Variants in SSBP4 observed in about 807,000 individuals in gnomAD.
The protein encoded by SSBP4 is single-stranded DNA-binding protein 4.
In SSBP4, 33 loss-of-function variants were observed where a neutral mutation model predicts 64.6. That is an observed-to-expected ratio of 0.51 (90% confidence interval 0.39 to 0.68). The LOEUF is 0.68. Ranked by LOEUF, SSBP4 falls within the 30% of genes least tolerant of loss-of-function variation. The pLI is 0.00. For missense variants in SSBP4, 583 were observed against 566.8 expected (o/e 1.03, Z -0.29); for synonymous variants, 243 against 224.0 (o/e 1.08, Z -0.76).
intron 1 of SSBP4, among the ~76,000 whole-genome samples, chr19:18,421,544 C>T (rs1016882530): frequency 5.9e-5 from 9 of 152,190 alleles, no homozygotes; most frequent in Admixed American, 2.0e-4. Flanking sequence ...ATGGCAGGGT[C>T]GGTGGCCCTG....
chr19:18,432,459 C>A, intron 10 of SSBP4, 100 bp from the exon 11 acceptor site: 2 of 1,477,412 alleles, frequency 1.4e-6, no homozygotes, highest in South Asian at 2.6e-5. Flanking sequence ...GCTCTGTGGT[C>A]GGTCTGGGGA....
the SSBP4 span, among the ~76,000 whole-genome samples, chr19:18,404,231 A>G: frequency 6.6e-6 from 1 of 151,790 alleles, no homozygotes; most frequent in South Asian, 2.1e-4. Context: ...AGAGACCCTC[A>G]GAGACCCTCA....
upstream of SSBP4, among the ~76,000 whole-genome samples, chr19:18,415,193 G>A (rs1327145714): frequency 6.6e-6 from 1 of 152,144 alleles, no homozygotes; most frequent in Non-Finnish European, 1.5e-5. Context: ...GAGAGGAAAC[G>A]GTCTCCTAGC....
chr19:18,418,401 C>T (rs1028617773), upstream of SSBP4, among the ~76,000 whole-genome samples: 3 of 152,328 alleles, frequency 2.0e-5, no homozygotes, highest in African/African-American at 7.2e-5. This position sits in a 1 kb window ranked among gnomAD's most constrained non-coding sequence, Gnocchi z 6.7. Context: ...TCAGTATCCG[C>T]CCCCACCCTC....
chr19:18,402,968 C>A, the SSBP4 span, among the ~76,000 whole-genome samples: 1 of 152,194 alleles, frequency 6.6e-6, no homozygotes, highest in Non-Finnish European at 1.5e-5. Flanking sequence ...TGTCTCCTGC[C>A]TGCCCCTGGG....
chr19:18,413,423 A>G, the SSBP4 span, among the ~76,000 whole-genome samples: 5 of 152,156 alleles, frequency 3.3e-5, no homozygotes, highest in Non-Finnish European at 7.4e-5. Flanking sequence ...CATGTTGGCC[A>G]GGATGGTCTC....
At chr19:18,420,487 C>A (rs937718595) in intron 1 of SSBP4, among the ~76,000 whole-genome samples, 3 of 152,024 alleles carry the variant, frequency 2.0e-5, no homozygotes, top group Non-Finnish European at 4.4e-5. Context: ...GTGTGCTCTC[C>A]GGGTGGAAAG....
upstream of SSBP4, among the ~76,000 whole-genome samples, chr19:18,416,476 G>A (rs1972131829): frequency 6.6e-6 from 1 of 152,064 alleles, no homozygotes; most frequent in Admixed American, 6.6e-5. Context: ...ACCACGTGCG[G>A]CCTCCCATGG....
rs749733408 is a variant in SSBP4, at chr19:18,433,051, G to A, written c.912+8G>A. On this transcript the variant is annotated splice_region_variant and intron_variant, in intron 14 of 17. Coordinates refer to ENST00000270061, the MANE Select transcript of SSBP4 (RefSeq NM_032627.5). Reference sequence around the variant, plus strand: ...GGCGCCGGCAGGGCTAATGTGAGTGGGGGCTTGCAGGGGTGCTTCTCGAGG... The same window carrying A: ...GGCGCCGGCAGGGCTAATGTGAGTGAGGGCTTGCAGGGGTGCTTCTCGAGG... The A allele has an allele frequency of 6.2e-7, 1 of 1,613,990 alleles. No homozygotes were observed. The highest frequency in any genetic ancestry group is 8.5e-7 in the Non-Finnish European group (1 of 1,180,008).
intron 4 of SSBP4, among the ~76,000 whole-genome samples, chr19:18,429,709 T>A (rs1368682489): frequency 6.6e-6 from 1 of 151,918 alleles, no homozygotes. Context: ...AGTTTGGAAC[T>A]GAGAAAGTGG....
At chr19:18,407,317 C>A in the SSBP4 span, among the ~76,000 whole-genome samples, 1 of 149,618 alleles carries the variant, frequency 6.7e-6, no homozygotes, top group East Asian at 2.1e-4. Flanking sequence ...GGATTACAGG[C>A]GTAAGACACA....
At position 18,433,209 on chromosome 19, in the gene SSBP4, C is replaced by T. The variant is rs754509452; in HGVS notation, c.987C>T (p.Ser329=). 1.3e-6 allele frequency: 2 copies of T among 1,565,640 alleles called. No individual in the cohort carries two copies. Among genetic ancestry groups the T allele is most frequent in the Middle Eastern group, 3.3e-4 (2 of 6,006 alleles). Residue 329 remains serine (S), a synonymous_variant, in exon 15 of 18, where the codon TCC becomes TCT. Coordinates refer to ENST00000270061, the MANE Select transcript of SSBP4 (RefSeq NM_032627.5). ...TGGAGCCTCACCACGTGAACGGATC[C>T]CTGGGTGAGTGGGCGTCCCTGCTCC... ...SAMEPHHVNG[S]LGSGDMDGLP...
upstream of SSBP4, chr19:18,419,375 G>T (rs1568341133): frequency 2.9e-6 from 3 of 1,027,612 alleles, no homozygotes; most frequent in Admixed American, 1.1e-4. Context: ...GGGGGCGCGC[G>T]CGGCGGGAGG....
the SSBP4 span, among the ~76,000 whole-genome samples, chr19:18,404,857 A>G: frequency 7.1e-6 from 1 of 140,526 alleles, no homozygotes; most frequent in Non-Finnish European, 1.5e-5. Flanking sequence ...ACGCCACTGC[A>G]CTCCAGCGCA....
At chr19:18,425,595 C>T (rs1972795333) in intron 1 of SSBP4, among the ~76,000 whole-genome samples, 1 of 150,352 alleles carries the variant, frequency 6.7e-6, no homozygotes, top group South Asian at 2.1e-4. Context: ...ACAGGTGGGC[C>T]TGCAGGCCGC....
At chr19:18,418,948 T>G, upstream of SSBP4, 1 of 984,938 alleles carries the variant, frequency 1.0e-6, no homozygotes, top group Non-Finnish European at 1.2e-6. This position sits in a 1 kb window ranked among gnomAD's most constrained non-coding sequence, Gnocchi z 6.7. Flanking sequence ...GCGGGCTGTA[T>G]GTGCGGTGGT....
At position 18,431,819 on chromosome 19, in the gene SSBP4, G is replaced by T; in HGVS notation, c.522G>T (p.Gln174His). The change falls in exon 8 of 18, where the codon CAG becomes CAT. Residue 174 changes from glutamine (Q) to histidine (H), a missense_variant. By Grantham distance (24) the Gln-to-His change is conservative. Transcript: ENST00000270061. Reference protein sequence around the residue: ...SQPPAGLPGSQPLLPGAMEPS... With the variant: ...SQPPAGLPGSHPLLPGAMEPS... ...CTCCCGCAGGCCTCCCTGGCTCCCAGCCCCTCCTCCCTGGCGCCATGGAGC... is the reference window on the plus strand; with the variant it reads ...CTCCCGCAGGCCTCCCTGGCTCCCATCCCCTCCTCCCTGGCGCCATGGAGC... 1 of 1,566,382 alleles carries T rather than the reference G, an allele frequency of 6.4e-7. No individual in the cohort carries two copies. Among genetic ancestry groups the T allele is most frequent in the Non-Finnish European group, 8.7e-7 (1 of 1,154,672 alleles).
At chr19:18,420,391 T>C (rs953434349) in intron 1 of SSBP4, among the ~76,000 whole-genome samples, 2 of 152,020 alleles carry the variant, frequency 1.3e-5, no homozygotes, top group African/African-American at 4.8e-5. Flanking sequence ...CCAGGCGCTC[T>C]GAAGCTGGTA....
chr19:18,434,394 TA>T lies in SSBP4; in HGVS notation c.*149del. 1 of 1,371,888 alleles carries T rather than the reference TA, an allele frequency of 7.3e-7. No homozygotes were observed. Among genetic ancestry groups the T allele is most frequent in the Admixed American group, 3.0e-5 (1 of 33,524 alleles). 85.0% of individuals were successfully genotyped at this position (1,371,888 alleles called of 1,614,324 possible). A position where few individuals can be genotyped will look rare whatever the true frequency, so the allele number is the denominator to read the frequency against. Reference sequence around the variant, plus strand: ...TGGGAGGCCCCACACGAAAGACTCTTACCATTTTATTAAAAACGCAAGGACC... The same window carrying T: ...TGGGAGGCCCCACACGAAAGACTCTTCCATTTTATTAAAAACGCAAGGACC... On this transcript the variant is annotated 3_prime_UTR_variant, in exon 18 of 18. Coordinates refer to ENST00000270061, the MANE Select transcript of SSBP4 (RefSeq NM_032627.5).
Sources: gnomAD v4.1 joint callset for allele counts (sites outside exome capture counted in the v4.1 genomes callset) on GRCh38, gnomAD v4.1.1 for gene constraint, Gnocchi (gnomAD v3.1) non-coding constraint, MANE v1.5 for transcripts, NCBI Gene and HGNC (gene_info 2026-07-23, HGNC 2026-07-21) for gene names.